PGAP1: variants seen among roughly 807,000 people sequenced by gnomAD.
PGAP1 encodes the protein post-GPI attachment to proteins inositol deacylase 1.
PGAP1 carries 76 observed loss-of-function variants against 127.0 expected under a neutral mutation model. The ratio of observed to expected loss-of-function variants is 0.60; its 90% CI spans 0.50 to 0.72. The LOEUF is 0.72. Ranked by LOEUF, PGAP1 falls within the 30% of genes least tolerant of loss-of-function variation. The pLI is 0.00. For synonymous variants in PGAP1, 362 were observed against 366.5 expected, an observed-to-expected ratio of 0.99 and a Z score of 0.14; for missense variants, 982 against 1,071.3, an observed-to-expected ratio of 0.92 and a Z score of 1.16.
At chr2:196,873,870 G>T in intron 14 of PGAP1, 112 bp from the exon 15 acceptor site, 2 of 715,408 alleles carry the variant, frequency 2.8e-6, no homozygotes, top group South Asian at 2.0e-5. Flanking sequence ...TTATTTACAG[G>T]TTTTCACTTC....
At chr2:196,851,698 T>C (rs1700727056) in intron 20 of PGAP1, among the ~76,000 whole-genome samples, 1 of 152,174 alleles carries the variant, frequency 6.6e-6, no homozygotes, top group African/African-American at 2.4e-5. Flanking sequence ...TGGAGCTCTC[T>C]GCTTCCACGG....
chr2:196,898,650 A>G (rs569146045), intron 5 of PGAP1, among the ~76,000 whole-genome samples: 11 of 152,352 alleles, frequency 7.2e-5, no homozygotes, highest in African/African-American at 2.6e-4. Context: ...ACAGACTCCT[A>G]AAGTTTAATG....
intron 7 of PGAP1, among the ~76,000 whole-genome samples, chr2:196,895,386 G>A (rs563960804): frequency 5.3e-5 from 8 of 152,236 alleles, no homozygotes; most frequent in East Asian, 1.9e-4. Context: ...TTTACCAAAC[G>A]TCAGTTGAAG....
At chr2:196,915,686 C>T (rs144370445) in intron 3 of PGAP1, among the ~76,000 whole-genome samples, 28 of 152,328 alleles carry the variant, frequency 1.8e-4, no homozygotes, top group Admixed American at 1.4e-3. Context: ...ACTGCCACCA[C>T]CTTGATTTAA....
chr2:196,918,150 A>C (rs969796318), intron 2 of PGAP1, among the ~76,000 whole-genome samples: 1 of 152,216 alleles, frequency 6.6e-6, no homozygotes, highest in Non-Finnish European at 1.5e-5. Context: ...GTGAAGCCAG[A>C]GCAACTTTTT....
chr2:196,873,780 AT>A, intron 14 of PGAP1, 22 bp from the exon 15 acceptor site: 1 of 1,491,388 alleles, frequency 6.7e-7, no homozygotes, highest in Non-Finnish European at 9.3e-7. Context: ...AAAGTACTGT[AT>A]TACTTAGAAT....
chr2:196,860,308 G>T (rs891106232), intron 20 of PGAP1, among the ~76,000 whole-genome samples: 1 of 152,156 alleles, frequency 6.6e-6, no homozygotes, highest in African/African-American at 2.4e-5. Context: ...GCAGCAGGTG[G>T]ATCATTTGAG....
In PGAP1 at chr2:196,835,803, ATG is replaced by A. The variant is rs979524925; in HGVS notation, c.*5429_*5430del. 1.3e-5 allele frequency: 2 copies of A among 152,406 alleles called. No individual in the cohort carries two copies. The highest frequency in any genetic ancestry group is 2.9e-5 in the Non-Finnish European group (2 of 67,866). 9.4% of individuals were successfully genotyped at this position (152,406 alleles called of 1,614,324 possible). ...CAGCTTTATGCTAAAGAGAATTCAA[ATG>A]TGTCTCTTTTTTTTGCTAAAAAAGG... On this transcript the variant is annotated 3_prime_UTR_variant, in exon 27 of 27. Transcript: ENST00000354764.
intron 26 of PGAP1, 75 bp from the exon 27 acceptor site, chr2:196,841,447 C>A: frequency 2.7e-6 from 3 of 1,124,636 alleles, no homozygotes; most frequent in South Asian, 3.1e-5. Context: ...ATCTTTTATA[C>A]AGTTTTGGAA....
At chr2:196,902,533 T>C (rs552624594) in intron 5 of PGAP1, 52 bp downstream of exon 5, 6 of 1,460,698 alleles carry the variant, frequency 4.1e-6, no homozygotes, top group East Asian at 2.3e-5. Context: ...TCTTTCATGC[T>C]CCACTGGGTC....
rs758497402 is a variant in PGAP1, at chr2:196,885,525, T to C, written c.1221-50A>G. Reference sequence around the variant, plus strand: ...ATTAAAGGACAAATATATGGAAGTATTACAAATTATAAATAAGATTCAGAG... The same window carrying C: ...ATTAAAGGACAAATATATGGAAGTACTACAAATTATAAATAAGATTCAGAG... On this transcript the variant is annotated intron_variant, in intron 11 of 26. Transcript: ENST00000354764. 7 of 1,269,280 alleles carry C rather than the reference T, an allele frequency of 5.5e-6. No individual in the cohort carries two copies. The South Asian group carries it at 8.0e-5, about 15-fold the overall frequency. The allele number at this position is 1,269,280 out of a possible 1,614,324, so 78.6% of individuals were successfully genotyped here.
chr2:196,872,323 G>C (rs1294082048), intron 18 of PGAP1, 118 bp downstream of exon 18: 1 of 627,218 alleles, frequency 1.6e-6, no homozygotes, highest in Non-Finnish European at 2.7e-6. Flanking sequence ...TATTTTAAAT[G>C]CCTATTTTTT....
At chr2:196,877,816 T>C (rs1701612194) in intron 13 of PGAP1, among the ~76,000 whole-genome samples, 1 of 152,176 alleles carries the variant, frequency 6.6e-6, no homozygotes. Flanking sequence ...ATTTATGCAG[T>C]AGTCACTGAA....
rs1170583810 is a variant in PGAP1, at chr2:196,902,572, A to T, written c.807+13T>A. The T allele has an allele frequency of 1.9e-6, 3 of 1,583,060 alleles. No homozygotes were observed. Among genetic ancestry groups the T allele is most frequent in the African/African-American group, 1.4e-5 (1 of 73,318 alleles). ...TACATTACTATTTCAATAGAATCTT[A>T]AAAAAAGATTACCACAACAGATAAG... On this transcript the variant is annotated intron_variant, in intron 5 of 26. Coordinates refer to ENST00000354764, the MANE Select transcript of PGAP1 (RefSeq NM_024989.4).
intron 7 of PGAP1, among the ~76,000 whole-genome samples, chr2:196,894,904 G>A (rs1265596477): frequency 1.3e-5 from 2 of 152,264 alleles, no homozygotes; most frequent in Non-Finnish European, 2.9e-5. Flanking sequence ...TTTTAGCTAT[G>A]ACTTTTATGC....
At chr2:196,921,921 G>C (rs935003091) in intron 1 of PGAP1, among the ~76,000 whole-genome samples, 14 of 152,008 alleles carry the variant, frequency 9.2e-5, no homozygotes, top group African/African-American at 3.4e-4. Flanking sequence ...ACCCAGGAGA[G>C]GTAATTGACC....
intron 2 of PGAP1, among the ~76,000 whole-genome samples, chr2:196,917,848 C>T (rs1703066412): frequency 6.6e-6 from 1 of 151,888 alleles, no homozygotes; most frequent in South Asian, 2.1e-4. Context: ...TGGGTAGATA[C>T]CTAGGAGTGG....
At chr2:196,914,396 G>T (rs1187466608) in intron 3 of PGAP1, among the ~76,000 whole-genome samples, 9 of 152,106 alleles carry the variant, frequency 5.9e-5, no homozygotes, top group Admixed American at 3.9e-4. Flanking sequence ...CAAGGTAGGT[G>T]GATCACTTCA....
At position 196,873,111 on chromosome 2, in the gene PGAP1, C is replaced by T. The variant is rs1045650256; in HGVS notation, c.1553-85G>A. 7 of 502,066 alleles carry T rather than the reference C, an allele frequency of 1.4e-5. No homozygotes were observed. The African/African-American group carries it at 1.4e-4, about 10-fold the overall frequency. The allele number at this position is 502,066 out of a possible 1,614,324, so 31.1% of individuals were successfully genotyped here. A position where few individuals can be genotyped will look rare whatever the true frequency, so the allele number is the denominator to read the frequency against. ...CTACTATAATATCTAACTAATTATA[C>T]AATTGTCCATTTCATTAAAAAAATC... On this transcript the variant is annotated intron_variant, in intron 16 of 26. Transcript: ENST00000354764.
Sources: gnomAD v4.1 joint callset for allele counts (sites outside exome capture counted in the v4.1 genomes callset) on GRCh38, gnomAD v4.1.1 for gene constraint, MANE v1.5 for transcripts, NCBI Gene and HGNC (gene_info 2026-07-23, HGNC 2026-07-21) for gene names.